Variants in GLUD1 observed in about 807,000 individuals in gnomAD.
The protein encoded by GLUD1 is glutamate dehydrogenase 1, mitochondrial.
In GLUD1, 22 loss-of-function variants were observed where a neutral mutation model predicts 56.0. The observed-to-expected ratio is 0.39, with a 90% confidence interval of 0.28 to 0.56. The LOEUF is 0.56. GLUD1 is among the 20% of genes least tolerant of loss of function. The pLI is 0.58. For missense variants in GLUD1, 451 were observed against 732.0 expected (o/e 0.62, Z 4.43); for synonymous variants, 223 against 269.9 (o/e 0.83, Z 1.70).
intron 12 of GLUD1, among the ~76,000 whole-genome samples, chr10:87,052,120 T>C (rs1242410351): frequency 6.6e-6 from 1 of 151,772 alleles, no homozygotes; most frequent in East Asian, 2.0e-4. Context: ...GAGGCCGACG[T>C]AGGCAGATCA....
At chr10:87,082,546 CA>C (rs986536571) in intron 1 of GLUD1, among the ~76,000 whole-genome samples, 9 of 152,294 alleles carry the variant, frequency 5.9e-5, no homozygotes, top group African/African-American at 2.2e-4. Context: ...AAGAAAGTAC[CA>C]GCTTAGTGGA....
rs1845604444 is a variant in GLUD1 at position 87,050,500 on chromosome 10, G to C, written c.*1251C>G. ...AGAAACGTAAGTTTTGGAAAACGTA[G>C]ACTTTTAATAACTGCTTTTATCACC... On this transcript the variant is annotated 3_prime_UTR_variant, in exon 13 of 13. Transcript: ENST00000277865. The C allele has an allele frequency of 6.6e-6, 1 of 151,126 alleles. No homozygotes were observed. Among genetic ancestry groups the C allele is most frequent in the African/African-American group, 2.4e-5 (1 of 41,048 alleles). The allele number at this position is 151,126 out of a possible 1,614,324, so 9.4% of individuals were successfully genotyped here.
At chr10:87,086,257 A>T (rs1309466625) in intron 1 of GLUD1, among the ~76,000 whole-genome samples, 1 of 152,134 alleles carries the variant, frequency 6.6e-6, no homozygotes, top group East Asian at 1.9e-4. Context: ...TAAAAATCCA[A>T]TCCTTTTCCT....
At position 87,070,318 on chromosome 10, in the gene GLUD1, C is replaced by T. The variant is rs192638259; in HGVS notation, c.647-2161G>A. Among the ~76,000 whole-genome samples the T allele has an allele frequency of 2.6e-5, 4 of 151,634 alleles. No homozygotes were observed. In the South Asian group the frequency reaches 6.3e-4, roughly 24 times the overall value. On this transcript the variant is annotated intron_variant, in intron 4 of 12. Coordinates refer to ENST00000277865, the MANE Select transcript of GLUD1 (RefSeq NM_005271.5). ...ACAATACATTTAAAAAACAAAAAAC[C>T]GGCTGGGCGCGGTGGCTCACGCCTG... is the stretch of plus-strand genomic sequence containing the variant.
intron 2 of GLUD1, 137 bp from the exon 3 acceptor site, chr10:87,076,160 A>G: frequency 1.3e-6 from 1 of 742,262 alleles, no homozygotes; most frequent in East Asian, 2.5e-5. Flanking sequence ...ACCTACCATC[A>G]TTTTCTAAAC....
chr10:87,062,748 A>C lies in GLUD1; in HGVS notation c.829T>G (p.Phe277Val). 6.2e-7 allele frequency: 1 copy of C among 1,614,188 alleles called. No individual in the cohort carries two copies. Among genetic ancestry groups the C allele is most frequent in the Non-Finnish European group, 8.5e-7 (1 of 1,180,006 alleles). The change falls in exon 6 of 13, where the codon TTC (phenylalanine) becomes GTC (valine). Residue 277 changes from phenylalanine to valine, a missense_variant. Transcript: ENST00000277865. Reference protein sequence around the residue: ...GRISATGRGVFHGIENFINEA... With the variant: ...GRISATGRGVVHGIENFINEA... Reference sequence around the variant, plus strand: ...TTGATGAAATTTTCAATCCCATGGAAGACACCACGGCCAGTAGCAGAGATG... The same window carrying C: ...TTGATGAAATTTTCAATCCCATGGACGACACCACGGCCAGTAGCAGAGATG...
Position 87,092,539 on chromosome 10 carries a change from T to C in GLUD1, c.445+1786A>G, listed in dbSNP as rs528809715. ...CCAATTTGTTGCTAGGTTCAATATT[T>C]TGGCATTAAAACTGCTGTGGCAACA... is the stretch of plus-strand genomic sequence containing the variant. On this transcript the variant is annotated intron_variant, in intron 1 of 12. Transcript: ENST00000277865. The C allele has an allele frequency of 9.4e-6, 5 of 532,518 alleles. No individual in the cohort carries two copies. The South Asian group carries it at 4.1e-4, about 43-fold the overall frequency. The allele number at this position is 532,518 out of a possible 1,614,324, so 33.0% of individuals were successfully genotyped here. A position where few individuals can be genotyped will look rare whatever the true frequency, so the allele number is the denominator to read the frequency against.
chr10:87,084,375 G>A (rs1488289895), intron 1 of GLUD1, among the ~76,000 whole-genome samples: 1 of 152,192 alleles, frequency 6.6e-6, no homozygotes, highest in African/African-American at 2.4e-5. Flanking sequence ...TCCTTAGTAT[G>A]CTCAAGTCTA....
Sources: gnomAD v4.1 joint callset for allele counts (sites outside exome capture counted in the v4.1 genomes callset) on GRCh38, gnomAD v4.1.1 for gene constraint, MANE v1.5 for transcripts, NCBI Gene and HGNC (gene_info 2026-07-23, HGNC 2026-07-21) for gene names.